The following LRRC4C variants were observed in gnomAD, a reference collection of about 807,000 sequenced individuals.
LRRC4C encodes the protein leucine rich repeat containing 4C.
A neutral mutation model predicts 33.6 loss-of-function variants in LRRC4C; 5 were observed. The observed-to-expected ratio is 0.15, with a 90% CI of 0.08 to 0.31. The LOEUF (loss-of-function observed/expected upper bound fraction) is 0.31. LRRC4C is among the 10% of genes least tolerant of loss of function. The pLI is 1.00. For missense variants in LRRC4C, 560 were observed against 796.7 expected, an observed-to-expected ratio of 0.70 and a Z score of 3.58; for synonymous variants, 329 against 302.0, an observed-to-expected ratio of 1.09 and a Z score of -0.93.
Position 40,683,637 on chromosome 11 carries a change from G to C in LRRC4C, c.-406-35359C>G, listed in dbSNP as rs75117820. Among the ~76,000 whole-genome samples, 328 of 152,266 alleles carry C rather than the reference G, an allele frequency of 2.2e-3. 2 individuals carry two copies. Among genetic ancestry groups the C allele is most frequent in the African/African-American group, 7.5e-3 (311 of 41,540 alleles). ...TGAAGCTGTCTCATGTAAGTGTGGA[G>C]GTAAGGGGATGAGGGAGGAAGTAGA... is the stretch of plus-strand genomic sequence containing the variant. On this transcript the variant is annotated intron_variant, in intron 2 of 6. Coordinates refer to ENST00000528697, the MANE Select transcript of LRRC4C (RefSeq NM_001258419.2).
At chr11:40,890,241 T>A (rs528579794) in intron 2 of LRRC4C, among the ~76,000 whole-genome samples, 1 of 152,152 alleles carries the variant, frequency 6.6e-6, no homozygotes, top group Non-Finnish European at 1.5e-5. Context: ...AAAAGAAATA[T>A]ATTTCTCACA....
chr11:41,358,267 C>A (rs372992725), intron 1 of LRRC4C, among the ~76,000 whole-genome samples: 1 of 151,998 alleles, frequency 6.6e-6, no homozygotes, highest in Non-Finnish European at 1.5e-5. Context: ...GGATCACAAA[C>A]CTCAATGTAA....
chr11:41,151,245 C>A (rs929000299), intron 1 of LRRC4C, among the ~76,000 whole-genome samples: 2 of 152,180 alleles, frequency 1.3e-5, no homozygotes, highest in Non-Finnish European at 2.9e-5. Context: ...CAGCTTAGTT[C>A]ACACTAACAA....
At chr11:40,775,334 C>T (rs998265692) in intron 2 of LRRC4C, among the ~76,000 whole-genome samples, 10 of 151,814 alleles carry the variant, frequency 6.6e-5, no homozygotes, top group Non-Finnish European at 1.2e-4. Context: ...GGCGTGAACC[C>T]GGGAGGCGGA....
intron 1 of LRRC4C, among the ~76,000 whole-genome samples, chr11:41,053,237 G>A (rs355223): frequency 0.28 from 43,179 of 152,034 alleles, 6,455 homozygotes; most frequent in Admixed American, 0.39. Context: ...TGCTGATTAC[G>A]TTGCATAAGG....
chr11:41,170,536 A>G (rs1036178215), intron 1 of LRRC4C, among the ~76,000 whole-genome samples: 1 of 152,228 alleles, frequency 6.6e-6, no homozygotes, highest in Admixed American at 6.5e-5. Context: ...TGGTGTTGAG[A>G]AAACTGGCTA....
intron 3 of LRRC4C, among the ~76,000 whole-genome samples, chr11:40,645,066 C>G (rs80275893): frequency 6.0e-4 from 92 of 152,184 alleles, no homozygotes; most frequent in African/African-American, 2.1e-3. Flanking sequence ...GCACGGCAAT[C>G]ATATGAATGT....
chr11:40,987,200 G>A (rs577737901), intron 1 of LRRC4C, among the ~76,000 whole-genome samples: 8 of 152,260 alleles, frequency 5.3e-5, no homozygotes, highest in African/African-American at 1.7e-4. Flanking sequence ...AGCTGTTGAC[G>A]AAAACCACTG....
At chr11:40,248,215 C>T (rs1167219078) in intron 4 of LRRC4C, among the ~76,000 whole-genome samples, 1 of 152,118 alleles carries the variant, frequency 6.6e-6, no homozygotes, top group Non-Finnish European at 1.5e-5. Flanking sequence ...CTTTTTTCAA[C>T]ACCTCTTCAC....
At chr11:40,825,370 T>G (rs1952116452) in intron 2 of LRRC4C, among the ~76,000 whole-genome samples, 1 of 151,976 alleles carries the variant, frequency 6.6e-6, no homozygotes, top group Non-Finnish European at 1.5e-5. Flanking sequence ...TCTCGGTTTC[T>G]GCAGAATTAC....
chr11:40,386,498 CAATT>C (rs1565338407), intron 3 of LRRC4C, among the ~76,000 whole-genome samples: 1 of 152,094 alleles, frequency 6.6e-6, no homozygotes, highest in Non-Finnish European at 1.5e-5. Flanking sequence ...AGCTATATAA[CAATT>C]AAGTAGGTTT....
intron 1 of LRRC4C, among the ~76,000 whole-genome samples, chr11:41,206,151 A>G (rs2136289205): frequency 6.6e-6 from 1 of 152,332 alleles, no homozygotes; most frequent in Admixed American, 6.5e-5. Context: ...AGAACAAGGA[A>G]ACATTTCTAA....
chr11:40,603,106 A>G (rs1960197168), intron 3 of LRRC4C, among the ~76,000 whole-genome samples: 1 of 152,178 alleles, frequency 6.6e-6, no homozygotes, highest in Non-Finnish European at 1.5e-5. Context: ...AAGGCGAGGA[A>G]ATAGGAGGGG....
At chr11:40,596,771 TG>T (rs1320920383) in intron 3 of LRRC4C, among the ~76,000 whole-genome samples, 1 of 152,202 alleles carries the variant, frequency 6.6e-6, no homozygotes, top group Non-Finnish European at 1.5e-5. Flanking sequence ...TTTATCCATG[TG>T]GTTGCAAATT....
intron 2 of LRRC4C, among the ~76,000 whole-genome samples, chr11:40,866,021 G>A (rs1482735744): frequency 1.3e-5 from 2 of 151,612 alleles, no homozygotes; most frequent in Non-Finnish European, 2.9e-5. Context: ...GTAGCCATAA[G>A]CAACAAATTA....
chr11:40,339,062 G>T (rs2136996080), intron 3 of LRRC4C, among the ~76,000 whole-genome samples: 1 of 152,236 alleles, frequency 6.6e-6, no homozygotes, highest in East Asian at 1.9e-4. Flanking sequence ...CTTTATTAAG[G>T]TAGACTTTAC....
At chr11:41,239,254 G>A (rs1342702340) in intron 1 of LRRC4C, among the ~76,000 whole-genome samples, 8 of 144,584 alleles carry the variant, frequency 5.5e-5, no homozygotes, top group African/African-American at 1.5e-4. Context: ...CCCAAGAGGC[G>A]GAGCTTGCAG....
chr11:40,454,628 G>A lies in LRRC4C; in HGVS notation c.-269-134907C>T, dbSNP rs572417746. Among the ~76,000 whole-genome samples the A allele has an allele frequency of 7.2e-5, 11 of 152,094 alleles. No individual in the cohort carries two copies. In the East Asian group the frequency reaches 1.7e-3, roughly 24 times the overall value. ...CAGTGTATGAATTTTTTTTCTGATCGTTATTTTCAATGTGGTAAACACAGC... is the reference window on the plus strand; with the variant it reads ...CAGTGTATGAATTTTTTTTCTGATCATTATTTTCAATGTGGTAAACACAGC... On this transcript the variant is annotated intron_variant, in intron 3 of 6. Coordinates refer to ENST00000528697, the MANE Select transcript of LRRC4C (RefSeq NM_001258419.2).
chr11:41,167,299 G>C (rs1183125516), intron 1 of LRRC4C, among the ~76,000 whole-genome samples: 1 of 152,140 alleles, frequency 6.6e-6, no homozygotes, highest in African/African-American at 2.4e-5. Flanking sequence ...TAATACTTCT[G>C]CTAATTCCTC....
Sources: allele counts gnomAD v4.1 joint callset (sites outside exome capture counted in the v4.1 genomes callset), GRCh38; gene constraint gnomAD v4.1.1; transcripts MANE v1.5; gene names NCBI Gene and HGNC (gene_info 2026-07-23, HGNC 2026-07-21).